Variants in KLF12 observed in about 807,000 individuals in gnomAD.
KLF12 encodes the protein KLF transcription factor 12, also known as Krueppel-like factor 12.
Under a neutral mutation model 37.8 loss-of-function variants are expected in KLF12, and 9 were observed. That is an observed-to-expected ratio of 0.24 (90% CI 0.14 to 0.42). The LOEUF is 0.42. KLF12 is among the 10% of genes least tolerant of loss of function. KLF12 has a pLI of 1.00. For missense variants in KLF12, 411 were observed against 516.0 expected, an observed-to-expected ratio of 0.80 and a Z score of 1.97; for synonymous variants, 208 against 202.1, an observed-to-expected ratio of 1.03 and a Z score of -0.25.
chr13:74,178,047 G>A, the KLF12 span, among the ~76,000 whole-genome samples: 1 of 152,206 alleles, frequency 6.6e-6, no homozygotes, highest in African/African-American at 2.4e-5. Flanking sequence ...CAGGTGGTCC[G>A]TGGCTGGTAT....
chr13:73,924,093 A>G (rs1303075740), intron 3 of KLF12, among the ~76,000 whole-genome samples: 3 of 152,272 alleles, frequency 2.0e-5, no homozygotes, highest in African/African-American at 7.2e-5. Context: ...AAGCACTCTG[A>G]AGCATGCAAA....
Position 73,695,402 on chromosome 13 carries a change from G to A in KLF12, c.*88C>T, listed in dbSNP as rs117431965. 6,129 of 1,308,604 alleles carry A rather than the reference G, an allele frequency of 4.7e-3. 144 individuals are homozygous for A. Among genetic ancestry groups the A allele is most frequent in the East Asian group, 0.044 (1,894 of 42,890 alleles). 81.1% of individuals were successfully genotyped at this position (1,308,604 alleles called of 1,614,324 possible). ...TCGTGGGATGGTGATGCCCTTTTGTGTTAACACTGTGAAGGGGATTCAGCC... is the reference window on the plus strand; with the variant it reads ...TCGTGGGATGGTGATGCCCTTTTGTATTAACACTGTGAAGGGGATTCAGCC... On this transcript the variant is annotated 3_prime_UTR_variant, in exon 8 of 8. Transcript: ENST00000377669.
intron 1 of KLF12, among the ~76,000 whole-genome samples, chr13:74,116,844 A>G (rs892619769): frequency 6.6e-6 from 1 of 152,138 alleles, no homozygotes; most frequent in African/African-American, 2.4e-5. Flanking sequence ...GTATCCATAG[A>G]CTCAAACTCT....
chr13:74,118,141 T>C (rs773528405), intron 1 of KLF12, among the ~76,000 whole-genome samples: 12 of 152,184 alleles, frequency 7.9e-5, no homozygotes, highest in Non-Finnish European at 1.6e-4. Context: ...AAAGTATTTA[T>C]GGGTAAAATT....
chr13:73,698,191 G>A (rs1202786107), intron 7 of KLF12, among the ~76,000 whole-genome samples: 1 of 151,584 alleles, frequency 6.6e-6, no homozygotes, highest in Non-Finnish European at 1.5e-5. Context: ...AGAGGAAAGG[G>A]GGAGGGGAAA....
intron 7 of KLF12, among the ~76,000 whole-genome samples, chr13:73,702,724 C>T (rs1317926695): frequency 6.6e-6 from 1 of 152,224 alleles, no homozygotes; most frequent in East Asian, 1.9e-4. Flanking sequence ...ACATTCAAGG[C>T]TCAACGTATT....
At chr13:73,822,806 G>A (rs1883601071) in intron 4 of KLF12, among the ~76,000 whole-genome samples, 1 of 152,136 alleles carries the variant, frequency 6.6e-6, no homozygotes, top group Non-Finnish European at 1.5e-5. Context: ...TTTCCACTGT[G>A]TGTGCTTCCA....
the KLF12 span, among the ~76,000 whole-genome samples, chr13:74,149,335 C>G: frequency 6.6e-6 from 1 of 152,124 alleles, no homozygotes; most frequent in African/African-American, 2.4e-5. Flanking sequence ...CAGATTTTAC[C>G]TGACTCTATT....
intron 3 of KLF12, among the ~76,000 whole-genome samples, chr13:73,940,217 C>G (rs531391554): frequency 1.3e-5 from 2 of 152,164 alleles, no homozygotes; most frequent in Non-Finnish European, 2.9e-5. Context: ...CTTGTAACAG[C>G]AGGACGCACG....
chr13:74,228,460 A>C, the KLF12 span, among the ~76,000 whole-genome samples: 1 of 152,184 alleles, frequency 6.6e-6, no homozygotes, highest in South Asian at 2.1e-4. Flanking sequence ...AAGATTTTAG[A>C]ATAGAATGGA....
intron 3 of KLF12, among the ~76,000 whole-genome samples, chr13:73,868,205 G>A (rs1480179831): frequency 1.3e-5 from 2 of 149,736 alleles, no homozygotes; most frequent in African/African-American, 4.9e-5. Context: ...CTAGCTACTC[G>A]GGAGGCTGAG....
the KLF12 span, among the ~76,000 whole-genome samples, chr13:74,172,954 A>G: frequency 3.9e-5 from 6 of 152,208 alleles, no homozygotes; most frequent in Non-Finnish European, 7.3e-5. Context: ...TACATGAAAT[A>G]CGCCCGTACC....
At chr13:73,703,033 C>G (rs968377974) in intron 7 of KLF12, among the ~76,000 whole-genome samples, 1 of 152,098 alleles carries the variant, frequency 6.6e-6, no homozygotes, top group East Asian at 1.9e-4. Flanking sequence ...GAGCACACAG[C>G]CATATACAGG....
intron 1 of KLF12, among the ~76,000 whole-genome samples, chr13:74,022,528 T>TG (rs1212768490): frequency 6.6e-6 from 1 of 152,214 alleles, no homozygotes; most frequent in African/African-American, 2.4e-5. Flanking sequence ...TTTCAAATTT[T>TG]TTCCTCTCAC....
Position 73,793,832 on chromosome 13 carries a change from AT to A in KLF12, c.806+19319del, listed in dbSNP as rs1047303318. On this transcript the variant is annotated intron_variant, in intron 5 of 7. Coordinates refer to ENST00000377669, the MANE Select transcript of KLF12 (RefSeq NM_007249.5). ...CTCTCCTACTTAAGGTGAATCTGTC[AT>A]TTCAGACACAGTCACGGTGCGTCAT... 5.9e-5 allele frequency among the ~76,000 whole-genome samples: 9 copies of A among 152,224 alleles called. 1 individual carries two copies. The highest frequency in any genetic ancestry group is 7.3e-5 in the Non-Finnish European group (5 of 68,038).
At chr13:74,071,462 G>A (rs1021485457) in intron 1 of KLF12, among the ~76,000 whole-genome samples, 8 of 151,978 alleles carry the variant, frequency 5.3e-5, no homozygotes, top group East Asian at 1.9e-4. Context: ...TGAGGTGGGC[G>A]GATCACAAGG....
At chr13:73,768,405 C>T (rs1320797133) in intron 5 of KLF12, among the ~76,000 whole-genome samples, 1 of 152,106 alleles carries the variant, frequency 6.6e-6, no homozygotes, top group Non-Finnish European at 1.5e-5. Flanking sequence ...ATTAAGATTA[C>T]AAATATGCTC....
intron 1 of KLF12, among the ~76,000 whole-genome samples, chr13:74,011,079 T>C (rs1047374947): frequency 6.6e-6 from 1 of 152,186 alleles, no homozygotes; most frequent in African/African-American, 2.4e-5. Context: ...TCTTATTCCC[T>C]TAATTATTGG....
intron 7 of KLF12, among the ~76,000 whole-genome samples, chr13:73,704,535 A>G (rs1219439500): frequency 6.6e-6 from 1 of 152,276 alleles, no homozygotes; most frequent in South Asian, 2.1e-4. Context: ...TTATCCCCAC[A>G]GTGGTGGTCT....
Sources: gnomAD v4.1 joint callset for allele counts (sites outside exome capture counted in the v4.1 genomes callset) on GRCh38, gnomAD v4.1.1 for gene constraint, MANE v1.5 for transcripts, NCBI Gene and HGNC (gene_info 2026-07-23, HGNC 2026-07-21) for gene names.